The following DCUN1D2 variants were observed in gnomAD, a reference collection of about 807,000 sequenced individuals.
The protein encoded by DCUN1D2 is DCN1-like protein 2.
A neutral mutation model predicts 30.9 loss-of-function variants in DCUN1D2; 29 were observed. That is an observed-to-expected ratio of 0.94 (90% CI 0.70 to 1.28). The LOEUF (loss-of-function observed/expected upper bound fraction) is 1.28. Ranked by LOEUF, DCUN1D2 falls within the 50% of genes most tolerant of loss-of-function variation. The pLI, the probability that DCUN1D2 is intolerant of heterozygous loss-of-function variation, is 0.00. For synonymous variants in DCUN1D2, 121 were observed against 115.3 expected (o/e 1.05, Z -0.32); for missense variants, 325 against 316.9 (o/e 1.03, Z -0.19).
chr13:113,476,410 A>G (rs2044618970), intron 3 of DCUN1D2, among the ~76,000 whole-genome samples: 1 of 152,162 alleles, frequency 6.6e-6, no homozygotes, highest in Non-Finnish European at 1.5e-5. Flanking sequence ...TTTCACCTGC[A>G]TTTCCCCAGT....
At chr13:113,467,886 A>C (rs1243708509) in intron 4 of DCUN1D2, among the ~76,000 whole-genome samples, 1 of 151,828 alleles carries the variant, frequency 6.6e-6, no homozygotes, top group Non-Finnish European at 1.5e-5. Context: ...TCTACTAATA[A>C]TACAAAAATT....
intron 4 of DCUN1D2, among the ~76,000 whole-genome samples, chr13:113,472,669 C>T (rs1486891735): frequency 2.0e-5 from 3 of 152,226 alleles, no homozygotes; most frequent in African/African-American, 7.2e-5. Flanking sequence ...GGGATCATCC[C>T]AGCTCACAAA....
chr13:113,478,896 T>C (rs2044661074), intron 3 of DCUN1D2: 2 of 152,170 alleles, frequency 1.3e-5, no homozygotes, highest in Admixed American at 6.5e-5. Context: ...AAAGTTTTTT[T>C]TTTTTTAATT....
intron 5 of DCUN1D2, among the ~76,000 whole-genome samples, chr13:113,460,621 C>T (rs2044302725): frequency 6.6e-6 from 1 of 152,402 alleles, no homozygotes; most frequent in African/African-American, 2.4e-5. Context: ...CACACAGAGG[C>T]TGGGCACCGC....
Position 113,490,331 on chromosome 13 carries a change from T to G in DCUN1D2, c.3+336A>C. On this transcript the variant is annotated intron_variant, in intron 1 of 6. Transcript: ENST00000478244. This position sits in a 1 kb window ranked among gnomAD's most constrained non-coding sequence, Gnocchi z 5.2. ...AGCCCTCGCCCGCCTCGACTGCCCG[T>G]TTCGAAGCCGCCCTGGGAAGCCCCC... The G allele has an allele frequency of 4.1e-6, 1 of 241,260 alleles. No individual in the cohort carries two copies. The highest frequency in any genetic ancestry group is 7.9e-6 in the Non-Finnish European group (1 of 126,146). The allele number at this position is 241,260 out of a possible 1,614,324, so 14.9% of individuals were successfully genotyped here.
intron 6 of DCUN1D2, among the ~76,000 whole-genome samples, chr13:113,458,740 G>A (rs1456198406): frequency 2.6e-5 from 4 of 152,158 alleles, no homozygotes; most frequent in Admixed American, 6.5e-5. Context: ...AAGGCACGGC[G>A]CCAGGGCCCA....
At chr13:113,461,774 C>T (rs1284974281) in intron 4 of DCUN1D2, among the ~76,000 whole-genome samples, 5 of 152,176 alleles carry the variant, frequency 3.3e-5, no homozygotes, top group South Asian at 2.1e-4. Flanking sequence ...GATTATTTCA[C>T]GACTTCTATA....
At position 113,461,039 on chromosome 13, in the gene DCUN1D2, CAGG is replaced by C. The variant is rs1287324674; in HGVS notation, c.603+12_603+14del. On this transcript the variant is annotated intron_variant, in intron 5 of 6. Transcript: ENST00000478244. Reference sequence around the variant, plus strand: ...TCCACAGTGGGCACACAGCGAGATGCAGGAGGACACTTACCATTAAGAATGTGT... The same window carrying C: ...TCCACAGTGGGCACACAGCGAGATGCAGGACACTTACCATTAAGAATGTGT... 35 of 1,564,518 alleles carry C rather than the reference CAGG, an allele frequency of 2.2e-5. No individual in the cohort carries two copies. The Admixed American group carries it at 3.1e-4, about 14-fold the overall frequency.
chr13:113,456,623 C>T lies in DCUN1D2; in HGVS notation c.*1406G>A, dbSNP rs1163389155. ...GTAGGGTCAACAGTGATGTCCACAA[C>T]TCAATACCAGCCCTCCACACCTCGG... is the stretch of plus-strand genomic sequence containing the variant. On this transcript the variant is annotated 3_prime_UTR_variant, in exon 7 of 7. Coordinates refer to ENST00000478244, the MANE Select transcript of DCUN1D2 (RefSeq NM_001014283.2). 1 of 364,672 alleles carries T rather than the reference C, an allele frequency of 2.7e-6. No individual in the cohort carries two copies. The highest frequency in any genetic ancestry group is 4.9e-6 in the Non-Finnish European group (1 of 204,850). 22.6% of individuals were successfully genotyped at this position (364,672 alleles called of 1,614,324 possible).
At chr13:113,491,334 C>G (rs2045017830), upstream of DCUN1D2, 1 of 152,732 alleles carries the variant, frequency 6.5e-6, no homozygotes, top group Admixed American at 6.5e-5. Context: ...TCCCTCCCTC[C>G]CTGGGGCTCC....
Position 113,456,118 on chromosome 13 carries a change from A to T in DCUN1D2, c.*1911T>A. Reference sequence around the variant, plus strand: ...GCTCACGTTTTTGAGGTTTGTATTAATGCCAGTTTTTATTGTATTAGACAA... The same window carrying T: ...GCTCACGTTTTTGAGGTTTGTATTATTGCCAGTTTTTATTGTATTAGACAA... On this transcript the variant is annotated 3_prime_UTR_variant, in exon 7 of 7. Transcript: ENST00000478244. 2.5e-6 allele frequency: 1 copy of T among 398,392 alleles called. No individual in the cohort carries two copies. Among genetic ancestry groups the T allele is most frequent in the South Asian group, 1.3e-4 (1 of 7,606 alleles). The allele number at this position is 398,392 out of a possible 1,614,324, so 24.7% of individuals were successfully genotyped here.
At position 113,474,128 on chromosome 13, in the gene DCUN1D2, A is replaced by G. The variant is rs1354116322; in HGVS notation, c.516T>C (p.Gly172=). ...GTATTTGGATTTCATACTCACCTAA[A>G]CCTTTCTGCCCTGGGTTCTTAGCGA... ...FTFAKNPGQK[G]LDLEMAVAYW... is the part of the protein sequence containing the mutation. The change falls in exon 4 of 7, where the codon GGT becomes GGC. Residue 172 remains glycine (G), a synonymous_variant. Coordinates refer to ENST00000478244, the MANE Select transcript of DCUN1D2 (RefSeq NM_001014283.2). 6.2e-7 allele frequency: 1 copy of G among 1,613,580 alleles called. No homozygotes were observed. The highest frequency in any genetic ancestry group is 8.5e-7 in the Non-Finnish European group (1 of 1,179,718).
intron 1 of DCUN1D2, among the ~76,000 whole-genome samples, chr13:113,485,200 G>A (rs960293598): frequency 1.3e-5 from 2 of 152,092 alleles, no homozygotes; most frequent in African/African-American, 2.4e-5. Flanking sequence ...GGATGCTAAC[G>A]TTTTACAAAA....
At position 113,456,557 on chromosome 13, in the gene DCUN1D2, C is replaced by G. The variant is rs1041331470; in HGVS notation, c.*1472G>C. 2 of 395,696 alleles carry G rather than the reference C, an allele frequency of 5.1e-6. No homozygotes were observed. The highest frequency in any genetic ancestry group is 1.4e-4 in the South Asian group (1 of 6,990). The allele number at this position is 395,696 out of a possible 1,614,324, so 24.5% of individuals were successfully genotyped here. On this transcript the variant is annotated 3_prime_UTR_variant, in exon 7 of 7. Transcript: ENST00000478244. ...CGTCCTGCACAGTGCTGCAGGGGGG[C>G]AGCAAGGCACGCCTGTGACATGAGA...
chr13:113,470,145 T>C (rs1444438146), intron 4 of DCUN1D2, among the ~76,000 whole-genome samples: 1 of 152,240 alleles, frequency 6.6e-6, no homozygotes, highest in Non-Finnish European at 1.5e-5. Context: ...CTGCCCCTTT[T>C]CTATGCTTCA....
intron 4 of DCUN1D2, chr13:113,462,960 G>A: frequency 3.0e-6 from 3 of 988,920 alleles, no homozygotes; most frequent in Non-Finnish European, 1.3e-6. Flanking sequence ...TAGTTTTGGT[G>A]CTAAAAACTT....
chr13:113,486,083 CTCATT>C (rs1358029551), intron 1 of DCUN1D2, among the ~76,000 whole-genome samples: 1 of 152,062 alleles, frequency 6.6e-6, no homozygotes, highest in African/African-American at 2.4e-5. Context: ...AACAAGAACT[CTCATT>C]TAAGAATGAC....
chr13:113,459,711 GTATA>G (rs1414225233), intron 5 of DCUN1D2, among the ~76,000 whole-genome samples: 1 of 152,068 alleles, frequency 6.6e-6, no homozygotes, highest in Admixed American at 6.6e-5. Context: ...TTAGCTGCAT[GTATA>G]TATATATTCA....
chr13:113,470,899 C>A (rs1262344561), intron 4 of DCUN1D2, among the ~76,000 whole-genome samples: 2 of 150,360 alleles, frequency 1.3e-5, no homozygotes, highest in Non-Finnish European at 3.0e-5. Context: ...CCCAACTCCA[C>A]AGGGGACCCA....
Sources: gnomAD v4.1 joint callset for allele counts (sites outside exome capture counted in the v4.1 genomes callset) on GRCh38, gnomAD v4.1.1 for gene constraint, Gnocchi (gnomAD v3.1) non-coding constraint, MANE v1.5 for transcripts, NCBI Gene and HGNC (gene_info 2026-07-23, HGNC 2026-07-21) for gene names.